The following SNX31 variants were observed in gnomAD, a reference collection of about 807,000 sequenced individuals.
SNX31 encodes sorting nexin-31.
Under a neutral mutation model 65.4 loss-of-function variants are expected in SNX31, and 58 were observed. That is an observed-to-expected ratio of 0.89 (90% CI 0.72 to 1.10). The LOEUF (loss-of-function observed/expected upper bound fraction) is 1.10. Ranked by LOEUF, SNX31 falls within the 50% of genes least tolerant of loss-of-function variation. SNX31 has a pLI of 0.00. For synonymous variants in SNX31, 181 were observed against 190.1 expected (o/e 0.95, Z 0.39); for missense variants, 523 against 529.7 (o/e 0.99, Z 0.12).
chr8:100,641,565 A>AAAAAAAAAAAAAAT (rs1554587369), intron 2 of SNX31, among the ~76,000 whole-genome samples: 2 of 32,106 alleles, frequency 6.2e-5, no homozygotes, highest in African/African-American at 1.4e-4. Context: ...AAAAAAAAAA[A>AAAAAAAAAAAAAAT]ATATATATAT....
At chr8:100,597,820 T>C (rs1285188537) in intron 9 of SNX31, among the ~76,000 whole-genome samples, 1 of 152,220 alleles carries the variant, frequency 6.6e-6, no homozygotes, top group Admixed American at 6.5e-5. Flanking sequence ...AGGCATCCTG[T>C]CACATTAACG....
Position 100,625,356 on chromosome 8 carries a change from G to C in SNX31, c.321+4971C>G, listed in dbSNP as rs1029799287. ...CATCATTGCATGTGATGGAGGTTTA[G>C]AGCCTGGTGAGTCCACATATGGATT... On this transcript the variant is annotated intron_variant, in intron 4 of 13. Coordinates refer to ENST00000311812, the MANE Select transcript of SNX31 (RefSeq NM_152628.4). The surrounding 1 kb of genome is among the most constrained non-coding windows in gnomAD (Gnocchi z 4.2). Among the ~76,000 whole-genome samples the C allele has an allele frequency of 2.0e-5, 3 of 151,406 alleles. No homozygotes were observed. Among genetic ancestry groups the C allele is most frequent in the Non-Finnish European group, 4.4e-5 (3 of 67,904 alleles).
chr8:100,579,025 A>G (rs1414997062), intron 12 of SNX31, among the ~76,000 whole-genome samples: 2 of 152,100 alleles, frequency 1.3e-5, no homozygotes, highest in East Asian at 3.8e-4. Flanking sequence ...CCCGGCCTCA[A>G]TATTTTTTAA....
chr8:100,605,453 T>C (rs1816059491), intron 8 of SNX31, among the ~76,000 whole-genome samples: 1 of 152,116 alleles, frequency 6.6e-6, no homozygotes, highest in Admixed American at 6.5e-5. Flanking sequence ...ATGATGATGA[T>C]AAAGATTATT....
intron 10 of SNX31, among the ~76,000 whole-genome samples, chr8:100,593,493 T>A (rs1216368966): frequency 2.6e-5 from 4 of 151,874 alleles, no homozygotes; most frequent in South Asian, 4.2e-4. Flanking sequence ...TTGCTCTGTC[T>A]CCCAGGCTGG....
chr8:100,617,715 C>A lies in SNX31; in HGVS notation c.337G>T (p.Ala113Ser). Reference sequence around the variant, plus strand: ...ATGTCCAGATAAGCTTTCTTGGTGGCGATGTCAAATGTATTCTATAAGCAA... The same window carrying A: ...ATGTCCAGATAAGCTTTCTTGGTGGAGATGTCAAATGTATTCTATAAGCAA... ...KLAQLNTFDIATKKAYLDIFL... is the reference protein window; with the variant it reads ...KLAQLNTFDISTKKAYLDIFL... The change falls in exon 5 of 14, where the codon GCC (alanine) becomes TCC (serine). Residue 113 changes from alanine (A) to serine (S), a missense_variant. Transcript: ENST00000311812. The A allele has an allele frequency of 6.2e-7, 1 of 1,610,958 alleles. No homozygotes were observed. The highest frequency in any genetic ancestry group is 1.1e-5 in the South Asian group (1 of 90,810).
At chr8:100,653,728 A>T (rs955453207), upstream of SNX31, among the ~76,000 whole-genome samples, 1 of 152,002 alleles carries the variant, frequency 6.6e-6, no homozygotes, top group Admixed American at 6.5e-5. Context: ...TGGAAGCCAT[A>T]AGGAAAACCT....
At chr8:100,608,329 A>AC (rs11418392) in intron 8 of SNX31, among the ~76,000 whole-genome samples, 165 bp downstream of exon 8, 47,355 of 151,774 alleles carry the variant, frequency 0.31, 10,213 homozygotes, top group African/African-American at 0.61. Flanking sequence ...CTTCTTCTCC[A>AC]CCCCCCACAG....
chr8:100,651,974 A>G (rs559478672), upstream of SNX31, among the ~76,000 whole-genome samples: 1 of 136,476 alleles, frequency 7.3e-6, no homozygotes, highest in Non-Finnish European at 1.6e-5. Context: ...ACCCTTTACA[A>G]GTTTTTAATT....
In SNX31 at chr8:100,584,561, C is replaced by T. The variant is rs193009818; in HGVS notation, c.1093-373G>A. Among the ~76,000 whole-genome samples the T allele has an allele frequency of 9.3e-4, 142 of 151,984 alleles. 2 individuals carry two copies. The highest frequency in any genetic ancestry group is 3.3e-3 in the African/African-American group (135 of 41,452). Reference sequence around the variant, plus strand: ...ATTATTATTATTATAATGAGATGAACTGATGATGGTCAATCCTATATTTAA... The same window carrying T: ...ATTATTATTATTATAATGAGATGAATTGATGATGGTCAATCCTATATTTAA... On this transcript the variant is annotated intron_variant, in intron 11 of 13. Coordinates refer to ENST00000311812, the MANE Select transcript of SNX31 (RefSeq NM_152628.4).
chr8:100,616,710 C>T (rs1426769188), intron 5 of SNX31, among the ~76,000 whole-genome samples: 2 of 152,000 alleles, frequency 1.3e-5, no homozygotes, highest in Non-Finnish European at 2.9e-5. Flanking sequence ...AACGGAGAGA[C>T]GATGAATATA....
chr8:100,651,973 A>T (rs1819982080), upstream of SNX31, among the ~76,000 whole-genome samples: 2 of 137,148 alleles, frequency 1.5e-5, no homozygotes, highest in Admixed American at 1.5e-4. Context: ...CACCCTTTAC[A>T]AGTTTTTAAT....
chr8:100,654,573 A>C (rs150510012), upstream of SNX31, among the ~76,000 whole-genome samples: 72 of 152,336 alleles, frequency 4.7e-4, no homozygotes, highest in African/African-American at 1.7e-3. Flanking sequence ...ACTCTATGGA[A>C]ATGAAACTGC....
rs369176707 is a variant in SNX31, at chr8:100,615,515, T to G, written c.432+2105A>C. Among the ~76,000 whole-genome samples, 19 of 152,360 alleles carry G rather than the reference T, an allele frequency of 1.2e-4. 3 individuals are homozygous for G. Among genetic ancestry groups the G allele is most frequent in the Admixed American group, 9.8e-4 (15 of 15,308 alleles). ...CACTGTGCAGCTGTGTTTTGCTTAA[T>G]GACAGGAATACATTCTGAGAAATGC... is the stretch of plus-strand genomic sequence containing the variant. On this transcript the variant is annotated intron_variant, in intron 5 of 13. Coordinates refer to ENST00000311812, the MANE Select transcript of SNX31 (RefSeq NM_152628.4).
chr8:100,611,507 T>C (rs1816706082), intron 7 of SNX31, among the ~76,000 whole-genome samples: 1 of 152,200 alleles, frequency 6.6e-6, no homozygotes, highest in African/African-American at 2.4e-5. Context: ...TCCTATTCTT[T>C]AGGACAAATA....
At chr8:100,653,628 C>T (rs183624012), upstream of SNX31, among the ~76,000 whole-genome samples, 5 of 152,170 alleles carry the variant, frequency 3.3e-5, no homozygotes, top group South Asian at 2.1e-4. Flanking sequence ...ACGGCTCTGC[C>T]GACACTTTGA....
rs546023320 is a variant in SNX31, at chr8:100,601,225, T to G, written c.682-784A>C. Among the ~76,000 whole-genome samples the G allele has an allele frequency of 5.1e-4, 77 of 152,344 alleles. 1 individual carries two copies. The highest frequency in any genetic ancestry group is 1.8e-3 in the African/African-American group (75 of 41,586). ...GTCAATCCTTACAGCCACCCTGTGA[T>G]GTAGGTACTGTTATGAAATGCCCCA... On this transcript the variant is annotated intron_variant, in intron 8 of 13. Transcript: ENST00000311812.
In SNX31 at chr8:100,596,834, C is replaced by G; in HGVS notation, c.783G>C (p.Glu261Asp). 1 of 1,613,474 alleles carries G rather than the reference C, an allele frequency of 6.2e-7. No individual in the cohort carries two copies. Among genetic ancestry groups the G allele is most frequent in the South Asian group, 1.1e-5 (1 of 91,036 alleles). Residue 261 changes from glutamate (E) to aspartate (D), a missense_variant, in exon 10 of 14, where the codon GAG becomes GAC. Glu to Asp is a conservative substitution (Grantham distance 45). Coordinates refer to ENST00000311812, the MANE Select transcript of SNX31 (RefSeq NM_152628.4). Reference sequence around the variant, plus strand: ...CATAGTGCCGTACCTCCCGGGCCAGCTCCAAAAACTGCTCCAAAGAGGGTG... The same window carrying G: ...CATAGTGCCGTACCTCCCGGGCCAGGTCCAAAAACTGCTCCAAAGAGGGTG... Reference protein sequence around the residue: ...QKEDSQTKFLELAREVRHYGY... With the variant: ...QKEDSQTKFLDLAREVRHYGY...
intron 12 of SNX31, among the ~76,000 whole-genome samples, chr8:100,580,993 A>G (rs531171854): frequency 2.2e-4 from 33 of 151,720 alleles, no homozygotes; most frequent in African/African-American, 6.5e-4. Context: ...CTTCCAGTTT[A>G]TGGTTAATAT....
Sources: gnomAD v4.1 joint callset for allele counts (sites outside exome capture counted in the v4.1 genomes callset) on GRCh38, gnomAD v4.1.1 for gene constraint, Gnocchi (gnomAD v3.1) non-coding constraint, MANE v1.5 for transcripts, NCBI Gene and HGNC (gene_info 2026-07-23, HGNC 2026-07-21) for gene names.